HTR1D: variants seen among roughly 807,000 people sequenced by gnomAD.
HTR1D encodes the protein 5-HT-1D.
A neutral mutation model predicts 21.1 loss-of-function variants in HTR1D; 18 were observed. The ratio of observed to expected loss-of-function variants is 0.85; its 90% CI spans 0.59 to 1.27. HTR1D has a LOEUF of 1.27. Ranked by LOEUF, HTR1D falls within the 50% of genes most tolerant of loss-of-function variation. The pLI is 0.00. For synonymous variants in HTR1D, 196 were observed against 204.4 expected (o/e 0.96, Z 0.35); for missense variants, 456 against 481.4 (o/e 0.95, Z 0.49).
In HTR1D at chr1:23,193,766, C is replaced by T. The variant is rs142643700; in HGVS notation, c.454G>A (p.Ala152Thr). Residue 152 changes from alanine (A) to threonine (T), a missense_variant, in exon 2 of 2, where the codon GCT becomes ACT. Physicochemically the swap from Ala to Thr is moderately conservative, Grantham distance 58. Transcript: ENST00000374619. ...DALEYSKRRT[A>T]GHAATMIAIV... ...GCGATCATGGTGGCCGCGTGGCCAG[C>T]CGTCCTGCGTTTACTGTATTCCAGG... 1.9e-6 allele frequency: 3 copies of T among 1,613,976 alleles called. No homozygotes were observed. The Admixed American group carries it at 5.0e-5, about 27-fold the overall frequency.
rs531157144 is a variant in HTR1D at position 23,213,400 on chromosome 1, A to G, written c.-783+3891T>C. On this transcript the variant is annotated intron_variant, in intron 1 of 1. Transcript: ENST00000374619. ...GAGGCTGAGGCAGGAGAATCGCTTG[A>G]GCCTGTGAGACAGAGGTTGCAGTGA... 1.7e-3 allele frequency among the ~76,000 whole-genome samples: 253 copies of G among 152,302 alleles called. 7 individuals are homozygous for G. Among genetic ancestry groups the G allele is most frequent in the Non-Finnish European group, 1.7e-3 (118 of 68,030 alleles).
chr1:23,194,154 G>A lies in HTR1D; in HGVS notation c.66C>T (p.Ala22=), dbSNP rs1383864420. 1 of 1,614,082 alleles carries A rather than the reference G, an allele frequency of 6.2e-7. No individual in the cohort carries two copies. The change falls in exon 2 of 2, where the codon GCC becomes GCT. Residue 22 remains alanine, a synonymous_variant. Transcript: ENST00000374619. ...PQEASNRSLN[A]TETSEAWDPR... is the part of the protein sequence containing the mutation. ...GATCCCAAGCCTCTGAGGTTTCTGT[G>A]GCATTCAGGGATCTGTTGGAGGCCT...
In HTR1D at chr1:23,193,214, C is replaced by A; in HGVS notation, c.1006G>T (p.Ala336Ser). Residue 336 changes from alanine (A) to serine (S), a missense_variant, in exon 2 of 2, where the codon GCG becomes TCG. Coordinates refer to ENST00000374619, the MANE Select transcript of HTR1D (RefSeq NM_000864.5). Reference protein sequence around the residue: ...ICRDSCWIHPALFDFFTWLGY... With the variant: ...ICRDSCWIHPSLFDFFTWLGY... The stretch of plus-strand genomic sequence containing the variant: ...AGCCAGGTGAAGAAGTCAAAGAGCG[C>A]CGGGTGGATCCAGCAGGAGTCCCGG... The A allele has an allele frequency of 1.9e-6, 3 of 1,614,048 alleles. No homozygotes were observed. The highest frequency in any genetic ancestry group is 2.5e-6 in the Non-Finnish European group (3 of 1,180,004).
rs1167239764 is a variant in HTR1D, at chr1:23,194,188, A to G, written c.32T>C (p.Leu11Pro). Residue 11 changes from leucine to proline, a missense_variant, in exon 2 of 2, where the codon CTT (leucine) becomes CCT (proline). By Grantham distance (98) the Leu-to-Pro change is moderately conservative. Transcript: ENST00000374619. The part of the protein sequence containing the change: MSPLNQSAEG[L>P]PQEASNRSLN... ...GGATCTGTTGGAGGCCTCCTGGGGA[A>G]GGCCTTCTGCTGACTGGTTCAGTGG... 3 of 1,613,828 alleles carry G rather than the reference A, an allele frequency of 1.9e-6. No individual in the cohort carries two copies. The highest frequency in any genetic ancestry group is 2.5e-6 in the Non-Finnish European group (3 of 1,179,958).
chr1:23,204,200 A>G (rs1175197676), intron 1 of HTR1D, among the ~76,000 whole-genome samples: 4 of 151,118 alleles, frequency 2.6e-5, no homozygotes, highest in Non-Finnish European at 4.4e-5. Context: ...ATCTCGGCTC[A>G]CTGCAAGCTC....
At chr1:23,197,469 AC>A (rs1339298180) in intron 1 of HTR1D, among the ~76,000 whole-genome samples, 3 of 152,128 alleles carry the variant, frequency 2.0e-5, no homozygotes, top group Non-Finnish European at 4.4e-5. Context: ...GGTGGCTCAC[AC>A]CTGTAATCCC....
intron 1 of HTR1D, among the ~76,000 whole-genome samples, chr1:23,196,267 A>C (rs1644688426): frequency 6.6e-6 from 1 of 152,038 alleles, no homozygotes; most frequent in African/African-American, 2.4e-5. Context: ...CAACATGGAG[A>C]TACCCCGTCT....
chr1:23,194,113 G>C lies in HTR1D; in HGVS notation c.107C>G (p.Ala36Gly). Reference sequence around the variant, plus strand: ...GACCACGGCAAGGGAGATCTTGAGCGCCTGGAGGGTCCTGGGATCCCAAGC... The same window carrying C: ...GACCACGGCAAGGGAGATCTTGAGCCCCTGGAGGGTCCTGGGATCCCAAGC... Reference protein sequence around the residue: ...SEAWDPRTLQALKISLAVVLS... With the variant: ...SEAWDPRTLQGLKISLAVVLS... The change falls in exon 2 of 2, where the codon GCG becomes GGG. Residue 36 changes from alanine to glycine, a missense_variant. By Grantham distance (60) the Ala-to-Gly change is moderately conservative. Coordinates refer to ENST00000374619, the MANE Select transcript of HTR1D (RefSeq NM_000864.5). 6.2e-7 allele frequency: 1 copy of C among 1,614,126 alleles called. No individual in the cohort carries two copies. The highest frequency in any genetic ancestry group is 8.5e-7 in the Non-Finnish European group (1 of 1,180,020).
intron 1 of HTR1D, among the ~76,000 whole-genome samples, chr1:23,208,502 C>T (rs1207385116): frequency 1.3e-5 from 2 of 150,734 alleles, no homozygotes; most frequent in Non-Finnish European, 2.9e-5. Flanking sequence ...ACCCAGGAGG[C>T]GGAGGTTGCA....
chr1:23,214,384 A>G (rs1426127970), intron 1 of HTR1D, among the ~76,000 whole-genome samples: 1 of 152,164 alleles, frequency 6.6e-6, no homozygotes, highest in Non-Finnish European at 1.5e-5. Context: ...CCCAGAGTGC[A>G]CTGCTGCACT....
chr1:23,201,147 A>G (rs931406776), intron 1 of HTR1D, among the ~76,000 whole-genome samples: 1 of 152,204 alleles, frequency 6.6e-6, no homozygotes, highest in Non-Finnish European at 1.5e-5. Flanking sequence ...TCTCTTGGGA[A>G]TTTAGAATGG....
intron 1 of HTR1D, among the ~76,000 whole-genome samples, chr1:23,210,342 T>C (rs946399130): frequency 3.9e-5 from 6 of 152,214 alleles, no homozygotes; most frequent in Non-Finnish European, 7.3e-5. Flanking sequence ...CCTCCCAAAA[T>C]GCTGGGATTA....
At chr1:23,202,864 A>G (rs537287664) in intron 1 of HTR1D, among the ~76,000 whole-genome samples, 49 of 152,204 alleles carry the variant, frequency 3.2e-4, no homozygotes, top group African/African-American at 1.2e-3. Flanking sequence ...TACCTCCCAG[A>G]GATATAATGA....
chr1:23,209,241 C>T (rs1240626160), intron 1 of HTR1D, among the ~76,000 whole-genome samples: 3 of 152,136 alleles, frequency 2.0e-5, no homozygotes, highest in Admixed American at 6.6e-5. Context: ...TCAGGTGATC[C>T]GTCCGCCTCG....
rs1467997298 is a variant in HTR1D at position 23,193,536 on chromosome 1, G to T, written c.684C>A (p.Ile228=). ...TCCCATAGAGTGAGGGTGGATTCAG[G>T]ATGCGGTTCCGGGCAGCCCGGTAGA... ...GRIYRAARNR[I]LNPPSLYGKR... Residue 228 remains isoleucine (I), a synonymous_variant, in exon 2 of 2, where the codon ATC becomes ATA. Coordinates refer to ENST00000374619, the MANE Select transcript of HTR1D (RefSeq NM_000864.5). 2 of 1,614,052 alleles carry T rather than the reference G, an allele frequency of 1.2e-6. No individual in the cohort carries two copies. Among genetic ancestry groups the T allele is most frequent in the East Asian group, 2.2e-5 (1 of 44,874 alleles).
chr1:23,212,636 G>T (rs1644757927), intron 1 of HTR1D, among the ~76,000 whole-genome samples: 1 of 151,974 alleles, frequency 6.6e-6, no homozygotes, highest in East Asian at 1.9e-4. Context: ...ATATATTTTA[G>T]GCTTAATACT....
chr1:23,203,600 T>C (rs1644718118), intron 1 of HTR1D, among the ~76,000 whole-genome samples: 1 of 152,116 alleles, frequency 6.6e-6, no homozygotes, highest in African/African-American at 2.4e-5. Flanking sequence ...GAGGTTACAG[T>C]GAGCTATGAT....
chr1:23,195,734 C>T (rs749819561), intron 1 of HTR1D, among the ~76,000 whole-genome samples: 2 of 151,994 alleles, frequency 1.3e-5, no homozygotes, highest in African/African-American at 2.4e-5. Context: ...CTGTGGCTGG[C>T]CCCTTGAAGC....
At position 23,193,246 on chromosome 1, in the gene HTR1D, GGGA is replaced by G; in HGVS notation, c.971_973del (p.Leu324del). On this transcript the variant is annotated inframe_deletion, in exon 2 of 2. Coordinates refer to ENST00000374619, the MANE Select transcript of HTR1D (RefSeq NM_000864.5). ...GATCCAGCAGGAGTCCCGGCAGATG[GGGA>G]GGACCAGAGACACCACGAAGAAGGG... The G allele has an allele frequency of 1.9e-6, 3 of 1,614,162 alleles. No individual in the cohort carries two copies. Among genetic ancestry groups the G allele is most frequent in the Non-Finnish European group, 2.5e-6 (3 of 1,180,030 alleles).
Sources: allele counts gnomAD v4.1 joint callset (sites outside exome capture counted in the v4.1 genomes callset), GRCh38; gene constraint gnomAD v4.1.1; transcripts MANE v1.5; gene names NCBI Gene and HGNC (gene_info 2026-07-23, HGNC 2026-07-21).